Variants in CTNNA2 observed in about 807,000 individuals in gnomAD.
The protein encoded by CTNNA2 is catenin alpha-2.
CTNNA2 carries 42 observed loss-of-function variants against 101.0 expected under a neutral mutation model. The observed-to-expected ratio is 0.42, with a 90% CI of 0.32 to 0.54. CTNNA2 has a LOEUF of 0.54. CTNNA2 is among the 20% of genes least tolerant of loss of function. The pLI, the probability that CTNNA2 is intolerant of heterozygous loss-of-function variation, is 0.14. For synonymous variants in CTNNA2, 450 were observed against 456.4 expected, an observed-to-expected ratio of 0.99 and a Z score of 0.18; for missense variants, 871 against 1,223.1, an observed-to-expected ratio of 0.71 and a Z score of 4.29.
intron 2 of CTNNA2, among the ~76,000 whole-genome samples, chr2:79,312,360 A>G (rs1343698499): frequency 6.6e-6 from 1 of 152,182 alleles, no homozygotes; most frequent in Non-Finnish European, 1.5e-5. Flanking sequence ...AACTGTGTAT[A>G]CTTTCATTCA....
intron 2 of CTNNA2, among the ~76,000 whole-genome samples, chr2:79,279,669 C>G (rs190598988): frequency 6.6e-6 from 1 of 152,028 alleles, no homozygotes. Context: ...AAAATGACTG[C>G]TTTTTTGATT....
At chr2:80,500,753 G>T (rs1687818777) in intron 9 of CTNNA2, among the ~76,000 whole-genome samples, 1 of 152,174 alleles carries the variant, frequency 6.6e-6, no homozygotes, top group Non-Finnish European at 1.5e-5. Context: ...GAGGTGCACA[G>T]AAAATTGCCT....
intron 3 of CTNNA2, among the ~76,000 whole-genome samples, chr2:79,852,483 C>T (rs1456987981): frequency 6.6e-6 from 1 of 152,218 alleles, no homozygotes; most frequent in Non-Finnish European, 1.5e-5. Context: ...TCTTCATTTT[C>T]ATTCTCACAC....
At chr2:80,597,047 G>A (rs1697047390) in intron 15 of CTNNA2, among the ~76,000 whole-genome samples, 1 of 152,120 alleles carries the variant, frequency 6.6e-6, no homozygotes, top group Non-Finnish European at 1.5e-5. Context: ...TTGCATCCCA[G>A]GGATGAACTC....
At chr2:79,473,645 T>C (rs1308196858) in intron 4 of CTNNA2, among the ~76,000 whole-genome samples, 1 of 152,120 alleles carries the variant, frequency 6.6e-6, no homozygotes, top group Non-Finnish European at 1.5e-5. Context: ...GGATTCTATA[T>C]CTAGCAAATA....
intron 9 of CTNNA2, among the ~76,000 whole-genome samples, chr2:80,432,562 C>T (rs2149428299): frequency 1.3e-5 from 2 of 152,258 alleles, no homozygotes; most frequent in South Asian, 4.1e-4. Context: ...TACCGGTGGC[C>T]ACCAAAATAT....
intron 4 of CTNNA2, among the ~76,000 whole-genome samples, chr2:79,459,048 TA>T (rs199578319): frequency 0.012 from 1,858 of 152,252 alleles, 19 homozygotes; most frequent in Non-Finnish European, 0.02. Flanking sequence ...ACAGTACTAG[TA>T]AAACCTGATA....
intron 3 of CTNNA2, among the ~76,000 whole-genome samples, chr2:79,793,364 T>C (rs1294900098): frequency 3.9e-5 from 6 of 152,152 alleles, no homozygotes; most frequent in Non-Finnish European, 5.9e-5. Context: ...GAGCGACTCA[T>C]GTAGAGCTGG....
intron 11 of CTNNA2, among the ~76,000 whole-genome samples, chr2:80,551,123 A>AC (rs1372988029): frequency 1.3e-5 from 2 of 152,200 alleles, no homozygotes; most frequent in African/African-American, 4.8e-5. Flanking sequence ...CTCTTGGGTG[A>AC]CCAGGTGCAT....
chr2:79,693,344 G>T (rs1249199290), intron 2 of CTNNA2, among the ~76,000 whole-genome samples: 9 of 151,876 alleles, frequency 5.9e-5, no homozygotes. Context: ...TCAAAACTAT[G>T]GAAAACTTGA....
intron 7 of CTNNA2, among the ~76,000 whole-genome samples, chr2:80,088,862 C>G (rs1181351794): frequency 1.3e-5 from 2 of 152,006 alleles, no homozygotes; most frequent in African/African-American, 4.8e-5. Context: ...TTAACTGAGA[C>G]CTACAGCTCT....
intron 3 of CTNNA2, among the ~76,000 whole-genome samples, chr2:79,839,732 T>G (rs549983585): frequency 9.9e-5 from 15 of 152,212 alleles, no homozygotes; most frequent in Non-Finnish European, 2.1e-4. Context: ...CTATTATTTC[T>G]AAAGAAAATC....
chr2:79,354,111 T>C (rs1677452486), intron 3 of CTNNA2, among the ~76,000 whole-genome samples: 1 of 152,152 alleles, frequency 6.6e-6, no homozygotes, highest in African/African-American at 2.4e-5. Context: ...AGAATACTTT[T>C]TCTTTTGAGT....
chr2:79,367,319 A>G (rs1677772194), intron 3 of CTNNA2, among the ~76,000 whole-genome samples: 1 of 152,172 alleles, frequency 6.6e-6, no homozygotes, highest in Non-Finnish European at 1.5e-5. Flanking sequence ...AGTCTGCAAT[A>G]TTTTGTTATA....
intron 1 of CTNNA2, among the ~76,000 whole-genome samples, chr2:79,607,227 A>T (rs1215008698): frequency 6.6e-6 from 1 of 152,230 alleles, no homozygotes; most frequent in Non-Finnish European, 1.5e-5. Context: ...AACATTTTAC[A>T]TATGCACCTC....
intron 16 of CTNNA2, among the ~76,000 whole-genome samples, chr2:80,606,406 A>C (rs932703209): frequency 5.8e-5 from 7 of 120,836 alleles, no homozygotes; most frequent in Admixed American, 1.8e-4. Context: ...ACACACACAC[A>C]CACACACCCC....
intron 2 of CTNNA2, among the ~76,000 whole-genome samples, chr2:79,716,402 G>A (rs1686104730): frequency 6.6e-6 from 1 of 152,088 alleles, no homozygotes; most frequent in African/African-American, 2.4e-5. Flanking sequence ...TCCATGCCTG[G>A]CATCCATTAG....
intron 3 of CTNNA2, among the ~76,000 whole-genome samples, chr2:79,361,931 G>A (rs564798982): frequency 2.0e-5 from 3 of 152,080 alleles, no homozygotes; most frequent in East Asian, 1.9e-4. Flanking sequence ...CCTAGCCCAC[G>A]ACTCAAATAT....
chr2:79,478,324 T>A (rs575772169), intron 4 of CTNNA2, among the ~76,000 whole-genome samples: 1 of 152,346 alleles, frequency 6.6e-6, no homozygotes, highest in African/African-American at 2.4e-5. Context: ...ATGGAAGTGA[T>A]GAATAGCGGT....
Sources: gnomAD v4.1 joint callset for allele counts (sites outside exome capture counted in the v4.1 genomes callset) on GRCh38, gnomAD v4.1.1 for gene constraint, MANE v1.5 for transcripts, NCBI Gene and HGNC (gene_info 2026-07-23, HGNC 2026-07-21) for gene names.